ANKFN1: variants seen among roughly 807,000 people sequenced by gnomAD.
ANKFN1 encodes ankyrin repeat and fibronectin type-III domain-containing protein 1.
ANKFN1 carries 74 observed loss-of-function variants against 108.7 expected under a neutral mutation model. That is an observed-to-expected ratio of 0.68 (90% CI 0.56 to 0.83). ANKFN1 has a LOEUF of 0.83. Among genes scored for constraint, ANKFN1 ranks in the 40% least tolerant of loss-of-function variants. ANKFN1 has a pLI of 0.00. For synonymous variants in ANKFN1, 547 were observed against 516.2 expected, an observed-to-expected ratio of 1.06 and a Z score of -0.81; for missense variants, 1,505 against 1,382.3, an observed-to-expected ratio of 1.09 and a Z score of -1.41.
At chr17:56,091,976 A>G (rs575763799) in intron 4 of ANKFN1, among the ~76,000 whole-genome samples, 4 of 151,602 alleles carry the variant, frequency 2.6e-5, no homozygotes, top group Non-Finnish European at 5.9e-5. Flanking sequence ...AACAAACTTA[A>G]TTGGATGGCA....
intron 3 of ANKFN1, among the ~76,000 whole-genome samples, chr17:56,243,728 G>T (rs1466726260): frequency 6.6e-6 from 1 of 151,962 alleles, no homozygotes; most frequent in African/African-American, 2.4e-5. Flanking sequence ...TATCTCCTTA[G>T]TTTTCGGTTT....
At chr17:56,373,156 T>C (rs1433860931) in intron 7 of ANKFN1, among the ~76,000 whole-genome samples, 5 of 152,184 alleles carry the variant, frequency 3.3e-5, no homozygotes, top group African/African-American at 7.2e-5. Flanking sequence ...ATGCCCTAGA[T>C]GGCTATATTT....
At chr17:56,149,444 G>A (rs16956751), upstream of ANKFN1, among the ~76,000 whole-genome samples, 10,154 of 151,726 alleles carry the variant, frequency 0.067, 438 homozygotes, top group Admixed American at 0.13. Context: ...CCAACGGCAA[G>A]TTCTCAGGAG....
chr17:56,333,434 C>T (rs2045720960), intron 4 of ANKFN1, among the ~76,000 whole-genome samples: 1 of 152,038 alleles, frequency 6.6e-6, no homozygotes, highest in African/African-American at 2.4e-5. Flanking sequence ...AGTTTTTCCT[C>T]CTTGTCCTCT....
chr17:56,254,332 C>G (rs1427652651), intron 3 of ANKFN1: 1 of 152,164 alleles, frequency 6.6e-6, no homozygotes, highest in African/African-American at 2.4e-5. Context: ...ACATGGCCAA[C>G]GGGAGCCTAA....
At chr17:56,387,950 C>T (rs2047321959) in intron 8 of ANKFN1, among the ~76,000 whole-genome samples, 1 of 151,698 alleles carries the variant, frequency 6.6e-6, no homozygotes, top group Non-Finnish European at 1.5e-5. Flanking sequence ...ATTGTTTTGT[C>T]CAAAGTGATA....
At chr17:56,309,390 A>T (rs1486769285) in intron 3 of ANKFN1, among the ~76,000 whole-genome samples, 2 of 152,174 alleles carry the variant, frequency 1.3e-5, no homozygotes, top group African/African-American at 2.4e-5. Context: ...ACAGTTGGTA[A>T]TGACATCTCC....
chr17:56,123,214 C>T (rs1167170862), intron 4 of ANKFN1, among the ~76,000 whole-genome samples: 1 of 152,224 alleles, frequency 6.6e-6, no homozygotes, highest in Non-Finnish European at 1.5e-5. Context: ...CTACCAGCTG[C>T]ATTCTGTAGC....
At chr17:56,229,577 A>G (rs997081964) in intron 3 of ANKFN1, among the ~76,000 whole-genome samples, 3 of 147,418 alleles carry the variant, frequency 2.0e-5, no homozygotes, top group African/African-American at 5.0e-5. Context: ...TTAAGTCACT[A>G]TATGTAAATT....
intron 3 of ANKFN1, among the ~76,000 whole-genome samples, chr17:56,321,065 A>G (rs79463359): frequency 1.3e-5 from 1 of 77,914 alleles, no homozygotes; most frequent in Non-Finnish European, 2.3e-5. Context: ...TTCTTTAGGA[A>G]AAAAAAAAAA....
chr17:56,313,236 G>A (rs2045098563), intron 3 of ANKFN1, among the ~76,000 whole-genome samples: 2 of 152,050 alleles, frequency 1.3e-5, no homozygotes, highest in South Asian at 4.1e-4. Flanking sequence ...CTGAGGAAAT[G>A]ATATTTAAGC....
At chr17:56,371,431 C>G (rs529451758) in intron 6 of ANKFN1, among the ~76,000 whole-genome samples, 80 of 152,246 alleles carry the variant, frequency 5.3e-4, no homozygotes, top group Non-Finnish European at 1.1e-3. Flanking sequence ...ATATAACCAC[C>G]TAATTTCCAT....
intron 1 of ANKFN1, among the ~76,000 whole-genome samples, chr17:56,181,428 C>G (rs1036216851): frequency 6.6e-6 from 1 of 152,124 alleles, no homozygotes; most frequent in Non-Finnish European, 1.5e-5. Context: ...TTTGCAACAA[C>G]CTGACAAGGA....
chr17:56,295,168 G>C (rs4141009), intron 3 of ANKFN1, among the ~76,000 whole-genome samples: 22,644 of 152,190 alleles, frequency 0.15, 1,861 homozygotes, highest in African/African-American at 0.23. Context: ...CTTCCTTGGG[G>C]AAACCCCATG....
intron 8 of ANKFN1, among the ~76,000 whole-genome samples, chr17:56,380,799 G>A (rs1184140138): frequency 6.6e-6 from 1 of 152,170 alleles, no homozygotes; most frequent in Non-Finnish European, 1.5e-5. Flanking sequence ...GAACTGGGTG[G>A]AGCCCACCAC....
intron 4 of ANKFN1, among the ~76,000 whole-genome samples, chr17:56,138,777 C>T (rs1278813335): frequency 6.6e-6 from 1 of 152,044 alleles, no homozygotes; most frequent in Non-Finnish European, 1.5e-5. Flanking sequence ...TCCCAAAGTG[C>T]TAGGATTATA....
chr17:56,213,416 C>G (rs993089425), intron 2 of ANKFN1, among the ~76,000 whole-genome samples: 2 of 152,154 alleles, frequency 1.3e-5, no homozygotes, highest in African/African-American at 4.8e-5. Context: ...TCTAGTAAGA[C>G]AATCTCCTCC....
intron 1 of ANKFN1, among the ~76,000 whole-genome samples, chr17:56,202,400 T>C (rs1201891410): frequency 2.6e-5 from 4 of 152,198 alleles, no homozygotes; most frequent in Admixed American, 6.5e-5. Context: ...AATACTTGTA[T>C]GCACAGAGAG....
chr17:56,340,074 A>G (rs937294259), intron 4 of ANKFN1, among the ~76,000 whole-genome samples: 1 of 152,072 alleles, frequency 6.6e-6, no homozygotes, highest in Non-Finnish European at 1.5e-5. Context: ...AGCTTTTTTC[A>G]TATGATTGTT....
Sources: allele counts gnomAD v4.1 joint callset (sites outside exome capture counted in the v4.1 genomes callset), GRCh38; gene constraint gnomAD v4.1.1; transcripts MANE v1.5; gene names NCBI Gene and HGNC (gene_info 2026-07-23, HGNC 2026-07-21).